Variants in PLCG2 observed in about 807,000 individuals in gnomAD.
The protein encoded by PLCG2 is phospholipase C gamma 2, also known as 1-phosphatidylinositol 4,5-bisphosphate phosphodiesterase gamma-2.
A neutral mutation model predicts 175.6 loss-of-function variants in PLCG2; 69 were observed. The ratio of observed to expected loss-of-function variants is 0.39; its 90% CI spans 0.32 to 0.48. The LOEUF (loss-of-function observed/expected upper bound fraction) is 0.48. Among genes scored for constraint, PLCG2 ranks in the 20% least tolerant of loss-of-function variants. The probability of loss-of-function intolerance (pLI) is 0.91; values close to 1 mark genes in which losing one functional copy is unlikely to be tolerated. For missense variants in PLCG2, 1,798 were observed against 1,650.9 expected (o/e 1.09, Z -1.54); for synonymous variants, 827 against 624.0 (o/e 1.33, Z -4.85).
chr16:81,898,704 C>G (rs1909004827), intron 13 of PLCG2: 1 of 151,960 alleles, frequency 6.6e-6, no homozygotes, highest in Non-Finnish European at 1.5e-5. Flanking sequence ...CAGTATATTT[C>G]TTGGATAACT....
Position 81,956,763 on chromosome 16 carries a change from G to A in PLCG2, c.3639G>A (p.Gln1213=). 1 of 1,614,152 alleles carries A rather than the reference G, an allele frequency of 6.2e-7. No individual in the cohort carries two copies. Among genetic ancestry groups the A allele is most frequent in the Non-Finnish European group, 8.5e-7 (1 of 1,180,002 alleles). Residue 1213 remains glutamine (Q), a synonymous_variant, in exon 32 of 33, where the codon CAG becomes CAA. Coordinates refer to ENST00000564138, the MANE Select transcript of PLCG2 (RefSeq NM_002661.5). ...GGCGGCAAGAAGAACTGAACAACCA[G>A]CTCTTTCTGTATGACACACACCAGA... The part of the protein sequence containing the change: ...LRRRQEELNN[Q]LFLYDTHQNL...
At position 81,910,514 on chromosome 16, in the gene PLCG2, C is replaced by T. The variant is rs780571870; in HGVS notation, c.1734-6C>T. 7.4e-6 allele frequency: 12 copies of T among 1,613,462 alleles called. No homozygotes were observed. Among genetic ancestry groups the T allele is most frequent in the African/African-American group, 2.7e-5 (2 of 74,940 alleles). Reference sequence around the variant, plus strand: ...TCCCAGCACTGATGGCGTCCTCTCCCCGCAGGCGGTCAGGCCGGGTCCAGC... The same window carrying T: ...TCCCAGCACTGATGGCGTCCTCTCCTCGCAGGCGGTCAGGCCGGGTCCAGC... On this transcript the variant is annotated splice_polypyrimidine_tract_variant and splice_region_variant and intron_variant, in intron 17 of 32. Coordinates refer to ENST00000564138, the MANE Select transcript of PLCG2 (RefSeq NM_002661.5).
In PLCG2 at chr16:81,900,788, C is replaced by T; in HGVS notation, c.1362+8C>T. ...GAGAAGATCATCATCAAGGTAGGCA[C>T]CCCGGGTGCTGCTGTTGGCTGTCCA... On this transcript the variant is annotated splice_region_variant and intron_variant, in intron 14 of 32. Coordinates refer to ENST00000564138, the MANE Select transcript of PLCG2 (RefSeq NM_002661.5). 5.0e-6 allele frequency: 8 copies of T among 1,592,086 alleles called. No homozygotes were observed. Among genetic ancestry groups the T allele is most frequent in the Non-Finnish European group, 6.9e-6 (8 of 1,162,134 alleles).
chr16:81,763,420 G>A (rs1395268133), intron 2 of PLCG2, among the ~76,000 whole-genome samples: 1 of 152,244 alleles, frequency 6.6e-6, no homozygotes, highest in Non-Finnish European at 1.5e-5. Context: ...TTGTCCAGCT[G>A]CAGGTGGATG....
chr16:81,867,329 A>G (rs1482600300), intron 5 of PLCG2, among the ~76,000 whole-genome samples: 8 of 152,218 alleles, frequency 5.3e-5, no homozygotes, highest in Admixed American at 2.6e-4. Context: ...CTCCAGCCAG[A>G]AGGGTCTGGA....
chr16:81,805,500 GAA>G (rs1316978784), intron 2 of PLCG2, among the ~76,000 whole-genome samples: 726 of 54,196 alleles, frequency 0.013, 6 homozygotes, highest in African/African-American at 0.04. Context: ...CTCCATCTCA[GAA>G]AAAAAAAAAA....
At chr16:81,807,137 C>G (rs950944263) in intron 2 of PLCG2, among the ~76,000 whole-genome samples, 1 of 152,172 alleles carries the variant, frequency 6.6e-6, no homozygotes, top group Non-Finnish European at 1.5e-5. Context: ...GTGGAGACCT[C>G]ACAGCAGAGG....
Position 81,835,399 on chromosome 16 carries a change from C to T in PLCG2, c.194-19045C>T, listed in dbSNP as rs372409122. 1.1e-4 allele frequency among the ~76,000 whole-genome samples: 16 copies of T among 152,030 alleles called. No homozygotes were observed. In the South Asian group the frequency reaches 3.3e-3, roughly 32 times the overall value. On this transcript the variant is annotated intron_variant, in intron 2 of 32. Coordinates refer to ENST00000564138, the MANE Select transcript of PLCG2 (RefSeq NM_002661.5). ...TCACCTGAGGTCAGGAGTTTGAAAG[C>T]AGCCTGGCCAACATGGCGAAACCCC...
chr16:81,886,738 T>C (rs1322468386), intron 9 of PLCG2, among the ~76,000 whole-genome samples: 1 of 152,204 alleles, frequency 6.6e-6, no homozygotes, highest in Non-Finnish European at 1.5e-5. Context: ...TGTTTCCCCA[T>C]TTATATAACA....
rs769466948 is a variant in PLCG2 at position 81,928,629 on chromosome 16, G to A, written c.2581+5G>A. On this transcript the variant is annotated splice_donor_5th_base_variant and intron_variant, in intron 24 of 32. Transcript: ENST00000564138. ...ACCTCAATACCTATAACGTCGGTAC[G>A]TGCACACATCATCTTAGCCTGGATT... is the stretch of plus-strand genomic sequence containing the variant. The A allele has an allele frequency of 6.9e-6, 11 of 1,584,018 alleles. No homozygotes were observed. Among genetic ancestry groups the A allele is most frequent in the Middle Eastern group, 1.7e-4 (1 of 6,014 alleles).
intron 2 of PLCG2, among the ~76,000 whole-genome samples, chr16:81,816,085 T>C (rs1169720144): frequency 7.0e-6 from 1 of 143,342 alleles, no homozygotes; most frequent in African/African-American, 2.6e-5. Flanking sequence ...AAATGTGCCT[T>C]CACGGACAGG....
intron 29 of PLCG2, 105 bp downstream of exon 29, chr16:81,939,020 G>A: frequency 1.5e-6 from 1 of 686,752 alleles, no homozygotes; most frequent in Non-Finnish European, 2.6e-6. Context: ...AGTTGTCCCA[G>A]GGTTTTCTTT....
chr16:81,890,306 G>A (rs775018384), intron 10 of PLCG2, among the ~76,000 whole-genome samples: 1 of 152,136 alleles, frequency 6.6e-6, no homozygotes, highest in Non-Finnish European at 1.5e-5. Context: ...GTTTATTTTG[G>A]GGGAAGGGCT....
intron 2 of PLCG2, among the ~76,000 whole-genome samples, chr16:81,815,617 C>G (rs1435760330): frequency 6.6e-6 from 1 of 152,194 alleles, no homozygotes; most frequent in Non-Finnish European, 1.5e-5. Context: ...AAAAGCCACT[C>G]AGAACACAAG....
rs1362467323 is a variant in PLCG2, at chr16:81,859,108, C to G, written c.432-8C>G. The G allele has an allele frequency of 3.2e-6, 5 of 1,546,784 alleles. No individual in the cohort carries two copies. ...TCTCTCTTTCTTTTGTCTCATATTT[C>G]TTTCCAGTTGGCTGAGAAAGCAGAT... is the stretch of plus-strand genomic sequence containing the variant. On this transcript the variant is annotated splice_region_variant and splice_polypyrimidine_tract_variant and intron_variant, in intron 4 of 32. Transcript: ENST00000564138.
At chr16:81,862,012 C>T (rs1907006028) in intron 5 of PLCG2, among the ~76,000 whole-genome samples, 1 of 152,236 alleles carries the variant, frequency 6.6e-6, no homozygotes, top group Non-Finnish European at 1.5e-5. Context: ...TGCTCTCTGT[C>T]AACATGTGGA....
chr16:81,962,244 G>A lies in PLCG2; in HGVS notation c.*4246G>A, dbSNP rs982454055. ...GGCTAAAAAGGACCTCAACCCTTTT[G>A]ACTTTAAAAGGAAAATAGCTTAACC... On this transcript the variant is annotated 3_prime_UTR_variant, in exon 33 of 33. Transcript: ENST00000564138. 5.2e-6 allele frequency: 1 copy of A among 192,580 alleles called. No individual in the cohort carries two copies. 11.9% of individuals were successfully genotyped at this position (192,580 alleles called of 1,614,324 possible).
intron 31 of PLCG2, among the ~76,000 whole-genome samples, chr16:81,950,508 A>G (rs1312096019): frequency 6.6e-6 from 1 of 152,234 alleles, no homozygotes; most frequent in Non-Finnish European, 1.5e-5. Context: ...CAGCAAAGAC[A>G]TAATATCAAA....
chr16:81,841,550 AC>A (rs1415668929), intron 2 of PLCG2, among the ~76,000 whole-genome samples: 1 of 151,964 alleles, frequency 6.6e-6, no homozygotes, highest in Non-Finnish European at 1.5e-5. Context: ...TGTAAACTTT[AC>A]TTTTTGCAAA....
Sources: allele counts gnomAD v4.1 joint callset (sites outside exome capture counted in the v4.1 genomes callset), GRCh38; gene constraint gnomAD v4.1.1; transcripts MANE v1.5; gene names NCBI Gene and HGNC (gene_info 2026-07-23, HGNC 2026-07-21).